Variants in OSTF1 observed in about 807,000 individuals in gnomAD.
OSTF1 encodes the protein osteoclast-stimulating factor 1.
Under a neutral mutation model 37.2 loss-of-function variants are expected in OSTF1, and 27 were observed. That is an observed-to-expected ratio of 0.73 (90% CI 0.54 to 1.00). The LOEUF (loss-of-function observed/expected upper bound fraction) is 1.00. Among genes scored for constraint, OSTF1 ranks in the 50% least tolerant of loss-of-function variants. OSTF1 has a pLI of 0.00. For missense variants in OSTF1, 232 were observed against 253.8 expected (o/e 0.91, Z 0.58); for synonymous variants, 82 against 89.2 (o/e 0.92, Z 0.46).
At chr9:75,145,023 G>A (rs1825997927) in intron 9 of OSTF1, among the ~76,000 whole-genome samples, 1 of 152,056 alleles carries the variant, frequency 6.6e-6, no homozygotes, top group Admixed American at 6.5e-5. Context: ...GGTGTTATTT[G>A]TCATGTTCCT....
At chr9:75,139,734 T>G (rs958973121) in intron 8 of OSTF1, among the ~76,000 whole-genome samples, 3 of 152,214 alleles carry the variant, frequency 2.0e-5, no homozygotes, top group African/African-American at 7.2e-5. Context: ...AAAGCCTTCT[T>G]GGAAAGCAAT....
chr9:75,139,031 T>TTTCTTTCTTTCTTTCTTTCC (rs1564169708), intron 8 of OSTF1, among the ~76,000 whole-genome samples: 33 of 139,580 alleles, frequency 2.4e-4, no homozygotes, highest in African/African-American at 9.2e-4. Flanking sequence ...GGGACACTTC[T>TTTCTTTCTTTCTTTCTTTCC]TTCTTTCTTT....
chr9:75,133,206 A>G, intron 5 of OSTF1, 88 bp from the exon 6 acceptor site: 1 of 788,766 alleles, frequency 1.3e-6, no homozygotes, highest in South Asian at 1.7e-5. Context: ...TGCAAATGGA[A>G]ATTTATGCAG....
At chr9:75,116,983 A>G (rs558067425) in intron 1 of OSTF1, among the ~76,000 whole-genome samples, 1 of 152,154 alleles carries the variant, frequency 6.6e-6, no homozygotes, top group Non-Finnish European at 1.5e-5. Context: ...TATTTCAGTC[A>G]GTGTTTTTAT....
chr9:75,133,482 G>A, intron 6 of OSTF1, 81 bp downstream of exon 6: 1 of 823,296 alleles, frequency 1.2e-6, no homozygotes, highest in Admixed American at 2.2e-5. Flanking sequence ...CAAAAAATGA[G>A]AAAGGAAAAG....
chr9:75,126,195 A>T (rs868325053), intron 2 of OSTF1, among the ~76,000 whole-genome samples: 1 of 152,234 alleles, frequency 6.6e-6, no homozygotes, highest in Non-Finnish European at 1.5e-5. Context: ...AATTGCAGGC[A>T]TGAGCTACCA....
chr9:75,089,804 T>C (rs1451482685), intron 1 of OSTF1, among the ~76,000 whole-genome samples: 2 of 152,258 alleles, frequency 1.3e-5, no homozygotes, highest in Admixed American at 6.5e-5. Flanking sequence ...CAGTGATTAC[T>C]TTTTTCCTTG....
In OSTF1 at chr9:75,146,759, G is replaced by A; in HGVS notation, c.*18G>A. 1.3e-6 allele frequency: 2 copies of A among 1,578,120 alleles called. No homozygotes were observed. The highest frequency in any genetic ancestry group is 8.7e-7 in the Non-Finnish European group (1 of 1,153,790). On this transcript the variant is annotated 3_prime_UTR_variant, in exon 10 of 10. Transcript: ENST00000346234. ...CAGATTAATTCCTTTCTGGAGCTTT[G>A]AGATCTAAAACTTCTGTTGCTTTTG...
intron 1 of OSTF1, among the ~76,000 whole-genome samples, chr9:75,114,075 A>G (rs565656500): frequency 6.6e-6 from 1 of 152,328 alleles, no homozygotes; most frequent in Admixed American, 6.5e-5. Flanking sequence ...AATTCACAAA[A>G]CATAATGTTC....
chr9:75,142,451 A>G (rs575395402), intron 9 of OSTF1, among the ~76,000 whole-genome samples: 1 of 152,268 alleles, frequency 6.6e-6, no homozygotes, highest in South Asian at 2.1e-4. Flanking sequence ...ACCGAAGAGT[A>G]AGGCTTCTTA....
chr9:75,096,362 T>C (rs562040765), intron 1 of OSTF1, among the ~76,000 whole-genome samples: 39 of 152,346 alleles, frequency 2.6e-4, no homozygotes, highest in African/African-American at 9.4e-4. Flanking sequence ...GTCTTTAGCA[T>C]CCCTTATAAT....
intron 1 of OSTF1, among the ~76,000 whole-genome samples, chr9:75,115,230 A>G (rs1825461495): frequency 6.6e-6 from 1 of 152,202 alleles, no homozygotes; most frequent in Admixed American, 6.5e-5. Flanking sequence ...CTTGTCCTAG[A>G]TAACCATCTT....
chr9:75,104,517 G>A (rs907664664), intron 1 of OSTF1, among the ~76,000 whole-genome samples: 5 of 152,018 alleles, frequency 3.3e-5, no homozygotes, highest in East Asian at 1.9e-4. Context: ...TCCAGCCTGG[G>A]TGACAGAGTG....
At position 75,088,597 on chromosome 9, in the gene OSTF1, C is replaced by G. The variant is rs577732951; in HGVS notation, c.-96C>G. The G allele has an allele frequency of 3.7e-5, 50 of 1,345,226 alleles. No individual in the cohort carries two copies. In the South Asian group the frequency reaches 5.6e-4, roughly 15 times the overall value. 83.3% of individuals were successfully genotyped at this position (1,345,226 alleles called of 1,614,324 possible). A position where few individuals can be genotyped will look rare whatever the true frequency, so the allele number is the denominator to read the frequency against. ...TCCTAGGAGGCGCACGGTTGTAAGC[C>G]AGACAAAAAGAACTGGGGTGCCCGG... On this transcript the variant is annotated 5_prime_UTR_variant, in exon 1 of 10. Coordinates refer to ENST00000346234, the MANE Select transcript of OSTF1 (RefSeq NM_012383.5).
chr9:75,101,901 C>T (rs544073765), intron 1 of OSTF1, among the ~76,000 whole-genome samples: 1 of 152,306 alleles, frequency 6.6e-6, no homozygotes, highest in South Asian at 2.1e-4. Context: ...ACATTTATAT[C>T]ATCATGTTGT....
intron 2 of OSTF1, among the ~76,000 whole-genome samples, chr9:75,124,262 C>A (rs970170416): frequency 1.3e-5 from 2 of 152,170 alleles, no homozygotes; most frequent in African/African-American, 4.8e-5. Context: ...AAGCGTTTAT[C>A]GTTTGTGTTA....
Position 75,134,349 on chromosome 9 carries a change from T to C in OSTF1, c.362T>C (p.Ile121Thr), listed in dbSNP as rs1015895778. 1.9e-6 allele frequency: 3 copies of C among 1,540,426 alleles called. No individual in the cohort carries two copies. The highest frequency in any genetic ancestry group is 2.7e-6 in the Non-Finnish European group (3 of 1,119,786). ...YWACHGGHKD[I>T]VEMLFTQPNI... ...ATCTTTTCTCTTTGAATTTCAGATA[T>C]AGTGGAAATGCTATTTACTCAACCA... is the stretch of plus-strand genomic sequence containing the variant. The change falls in exon 7 of 10, where the codon ATA becomes ACA. Residue 121 changes from isoleucine to threonine, a missense_variant. Physicochemically the swap from Ile to Thr is moderately conservative, Grantham distance 89. Coordinates refer to ENST00000346234, the MANE Select transcript of OSTF1 (RefSeq NM_012383.5).
At chr9:75,107,348 C>T (rs560921116) in intron 1 of OSTF1, among the ~76,000 whole-genome samples, 1 of 151,718 alleles carries the variant, frequency 6.6e-6, no homozygotes, top group East Asian at 1.9e-4. Flanking sequence ...TTTTTAGTAC[C>T]CACGGGGTAT....
intron 2 of OSTF1, among the ~76,000 whole-genome samples, chr9:75,127,228 T>A (rs938008644): frequency 1.3e-5 from 2 of 152,172 alleles, no homozygotes; most frequent in South Asian, 2.1e-4. Flanking sequence ...CATTTATATT[T>A]TTATGAAAAA....
Sources: allele counts gnomAD v4.1 joint callset (sites outside exome capture counted in the v4.1 genomes callset), GRCh38; gene constraint gnomAD v4.1.1; transcripts MANE v1.5; gene names NCBI Gene and HGNC (gene_info 2026-07-23, HGNC 2026-07-21).